Variants in RELN observed in about 807,000 individuals in gnomAD.
RELN encodes reelin.
A neutral mutation model predicts 427.6 loss-of-function variants in RELN; 108 were observed. The observed-to-expected ratio is 0.25, with a 90% confidence interval of 0.22 to 0.30. The LOEUF (loss-of-function observed/expected upper bound fraction) is 0.30. Among genes scored for constraint, RELN ranks in the 10% least tolerant of loss-of-function variants. The pLI, the probability that RELN is intolerant of heterozygous loss-of-function variation, is 1.00. For synonymous variants in RELN, 1,524 were observed against 1,513.4 expected (o/e 1.01, Z -0.16); for missense variants, 3,715 against 4,302.8 (o/e 0.86, Z 3.82).
In RELN at chr7:103,540,360, A is replaced by G. The variant is rs1830151158; in HGVS notation, c.6767T>C (p.Leu2256Pro). ...GAACTCCTGAAGAAGACTCCACGAG[A>G]GGCCACCGTTGAGAGAATACTGTAG... ...VLLQYSLNGGLSWSLLQEFLF... is the reference protein window; with the variant it reads ...VLLQYSLNGGPSWSLLQEFLF... Residue 2256 changes from leucine to proline, a missense_variant, in exon 44 of 65, where the codon CTC becomes CCC. Transcript: ENST00000428762. 1 of 1,614,026 alleles carries G rather than the reference A, an allele frequency of 6.2e-7. No homozygotes were observed. The highest frequency in any genetic ancestry group is 8.5e-7 in the Non-Finnish European group (1 of 1,180,032).
chr7:103,871,269 A>T (rs1460341752), intron 2 of RELN, among the ~76,000 whole-genome samples: 1 of 151,192 alleles, frequency 6.6e-6, no homozygotes, highest in Non-Finnish European at 1.5e-5. Flanking sequence ...AATGAATGAA[A>T]GAAACCACTT....
chr7:103,674,180 GA>G (rs5886265), intron 11 of RELN, among the ~76,000 whole-genome samples: 1 of 151,816 alleles, frequency 6.6e-6, no homozygotes, highest in Admixed American at 6.6e-5. Flanking sequence ...TGATATTCAG[GA>G]AAAAAATCCA....
intron 28 of RELN, among the ~76,000 whole-genome samples, chr7:103,589,383 T>C (rs1336465225): frequency 2.6e-5 from 4 of 152,232 alleles, no homozygotes; most frequent in African/African-American, 9.6e-5. Context: ...CAAAAATAAG[T>C]ATTGTGTAAA....
rs767507286 is a variant in RELN, at chr7:103,596,442, A to G, written c.3539+14T>C. The G allele has an allele frequency of 1.9e-6, 3 of 1,602,724 alleles. No individual in the cohort carries two copies. In the South Asian group the frequency reaches 3.3e-5, roughly 18 times the overall value. ...CCTGGAAACTAATGCGAGGACCATC[A>G]GGTGGGTAGTTACCTGGGTTTGCTG... On this transcript the variant is annotated intron_variant, in intron 25 of 64. Coordinates refer to ENST00000428762, the MANE Select transcript of RELN (RefSeq NM_005045.4).
Position 103,682,114 on chromosome 7 carries a change from A to G in RELN, c.1289+2T>C, listed in dbSNP as rs1166005233. On this transcript the variant is annotated splice_donor_variant, in intron 11 of 64. Coordinates refer to ENST00000428762, the MANE Select transcript of RELN (RefSeq NM_005045.4). LOFTEE classifies it high-confidence loss of function. ...ACAGCATGGGAGATAGCAATTACTT[A>G]CCCTGTAGGCTGGCTCTCAAATTCT... 1 of 1,613,556 alleles carries G rather than the reference A, an allele frequency of 6.2e-7. No individual in the cohort carries two copies. Among genetic ancestry groups the G allele is most frequent in the Non-Finnish European group, 8.5e-7 (1 of 1,179,622 alleles).
intron 24 of RELN, among the ~76,000 whole-genome samples, chr7:103,600,492 A>ACGGGTCTACTCTTTCAAAT: frequency 1.3e-5 from 2 of 152,034 alleles, no homozygotes; most frequent in African/African-American, 4.8e-5. Flanking sequence ...GGCCTGCAAA[A>ACGGGTCTACTCTTTCAAAT]CGGGTCTACT....
At chr7:103,908,342 A>C (rs574095990) in intron 2 of RELN, among the ~76,000 whole-genome samples, 1 of 152,186 alleles carries the variant, frequency 6.6e-6, no homozygotes, top group African/African-American at 2.4e-5. Flanking sequence ...TTTTGAGCAT[A>C]TAATATATAC....
chr7:103,855,793 T>C (rs1354238560), intron 2 of RELN, among the ~76,000 whole-genome samples: 2 of 152,134 alleles, frequency 1.3e-5, no homozygotes, highest in East Asian at 1.9e-4. Context: ...CATCTTAACA[T>C]GGCATTCTCC....
chr7:103,902,434 C>T (rs1795103629), intron 2 of RELN, among the ~76,000 whole-genome samples: 2 of 151,906 alleles, frequency 1.3e-5, no homozygotes, highest in African/African-American at 4.8e-5. Flanking sequence ...TACAAGAGTT[C>T]AAGTGGAGAG....
chr7:103,651,295 T>A (rs1452273603), intron 15 of RELN, among the ~76,000 whole-genome samples: 2 of 152,096 alleles, frequency 1.3e-5, no homozygotes, highest in Non-Finnish European at 2.9e-5. Context: ...AGAGTAAATA[T>A]GATTACACAG....
intron 61 of RELN, among the ~76,000 whole-genome samples, chr7:103,485,819 G>A (rs1275120171): frequency 6.6e-6 from 1 of 152,116 alleles, no homozygotes; most frequent in Non-Finnish European, 1.5e-5. Flanking sequence ...ATAGGCATAT[G>A]TTTGCATTGC....
At position 103,961,671 on chromosome 7, in the gene RELN, G is replaced by A. The variant is rs565003551; in HGVS notation, c.226+27460C>T. On this transcript the variant is annotated intron_variant, in intron 1 of 64. Coordinates refer to ENST00000428762, the MANE Select transcript of RELN (RefSeq NM_005045.4). ...AGTCTAGGCTTTAGAAACCATCCTCGTGGGTCTGAATTCTGCTCTGCCTCT... is the reference window on the plus strand; with the variant it reads ...AGTCTAGGCTTTAGAAACCATCCTCATGGGTCTGAATTCTGCTCTGCCTCT... 4.6e-5 allele frequency among the ~76,000 whole-genome samples: 7 copies of A among 152,170 alleles called. No individual in the cohort carries two copies. The East Asian group carries it at 9.6e-4, about 21-fold the overall frequency.
rs34257358 is a variant in RELN, at chr7:103,783,164, C to CTTTTT, written c.474-6542_474-6538dup. Among the ~76,000 whole-genome samples, 133 of 109,326 alleles carry CTTTTT rather than the reference C, an allele frequency of 1.2e-3. 2 individuals are homozygous for CTTTTT. The highest frequency in any genetic ancestry group is 2.3e-3 in the South Asian group (8 of 3,538). 71.7% of individuals were successfully genotyped at this position (109,326 alleles called of 152,430 possible). On this transcript the variant is annotated intron_variant, in intron 3 of 64. Transcript: ENST00000428762. The stretch of plus-strand genomic sequence containing the variant: ...ACAGTACTTTCTTTTCTCTTTCTTT[C>CTTTTT]TTTTTTTTTTTTTTTAAGACAAAGT...
At chr7:103,485,226 G>A in intron 61 of RELN, among the ~76,000 whole-genome samples, 1 of 80,984 alleles carries the variant, frequency 1.2e-5, no homozygotes, top group Admixed American at 1.9e-4. Context: ...CTTTTTGGCA[G>A]GCCAAAAAAA....
At chr7:103,894,541 T>C (rs1274838347) in intron 2 of RELN, among the ~76,000 whole-genome samples, 1 of 152,170 alleles carries the variant, frequency 6.6e-6, no homozygotes, top group African/African-American at 2.4e-5. Context: ...TGGTTTAATG[T>C]ATGTGTTTTC....
intron 9 of RELN, 81 bp downstream of exon 9, chr7:103,700,825 AAGTT>A: frequency 2.4e-6 from 2 of 850,824 alleles, no homozygotes; most frequent in Admixed American, 1.7e-5. Context: ...CCTAAAGAAA[AAGTT>A]AGTGGTGGAT....
In RELN at chr7:103,874,026, T is replaced by A. The variant is rs942872840; in HGVS notation, c.338-40354A>T. 9.1e-4 allele frequency among the ~76,000 whole-genome samples: 132 copies of A among 145,254 alleles called. 1 individual carries two copies. Among genetic ancestry groups the A allele is most frequent in the African/African-American group, 3.1e-3 (125 of 40,714 alleles). On this transcript the variant is annotated intron_variant, in intron 2 of 64. Transcript: ENST00000428762. The stretch of plus-strand genomic sequence containing the variant: ...ATCCACCATGATCAAGTGGGCTTCA[T>A]CCCTGGGATGCAAGGCTGGTTCAAT...
At chr7:103,830,588 GGC>G (rs1191779396) in intron 3 of RELN, among the ~76,000 whole-genome samples, 1 of 151,550 alleles carries the variant, frequency 6.6e-6, no homozygotes, top group Non-Finnish European at 1.5e-5. Flanking sequence ...AGGATTCCTG[GGC>G]GCTTGCTAAT....
intron 55 of RELN, among the ~76,000 whole-genome samples, chr7:103,497,619 T>G (rs1435129159): frequency 6.6e-6 from 1 of 152,246 alleles, no homozygotes; most frequent in East Asian, 1.9e-4. Flanking sequence ...ATTTTTAATG[T>G]GATTTCTCTC....
Sources: gnomAD v4.1 joint callset for allele counts (sites outside exome capture counted in the v4.1 genomes callset) on GRCh38, gnomAD v4.1.1 for gene constraint, MANE v1.5 for transcripts, NCBI Gene and HGNC (gene_info 2026-07-23, HGNC 2026-07-21) for gene names.